Variants in ERMP1 observed in about 807,000 individuals in gnomAD.
ERMP1 encodes endoplasmic reticulum metallopeptidase 1, also known as Felix-ina.
In ERMP1, 86 loss-of-function variants were observed where a neutral mutation model predicts 92.0. The ratio of observed to expected loss-of-function variants is 0.93; its 90% CI spans 0.79 to 1.12. The LOEUF is 1.12. ERMP1 is among the 50% of genes most tolerant of loss of function. ERMP1 has a pLI of 0.00. For synonymous variants in ERMP1, 530 were observed against 412.8 expected, an observed-to-expected ratio of 1.28 and a Z score of -3.44; for missense variants, 1,342 against 1,116.3, an observed-to-expected ratio of 1.20 and a Z score of -2.88.
At chr9:5,861,722 T>TTG (rs902146723) in intron 5 of ERMP1, among the ~76,000 whole-genome samples, 1 of 141,902 alleles carries the variant, frequency 7.0e-6, no homozygotes, top group Non-Finnish European at 1.5e-5. Flanking sequence ...GAAGGGTTTT[T>TTG]TTTTTTTTTT....
chr9:5,830,317 T>C (rs17571216), intron 2 of ERMP1, among the ~76,000 whole-genome samples: 51,832 of 151,988 alleles, frequency 0.34, 10,256 homozygotes, highest in East Asian at 0.75. Context: ...AACCATGCAG[T>C]AACCCTTGAA....
chr9:5,834,743 G>GTGTGTGTGTATGTC (rs969028907), upstream of ERMP1, among the ~76,000 whole-genome samples: 2 of 147,210 alleles, frequency 1.4e-5, no homozygotes, highest in Admixed American at 6.8e-5. Flanking sequence ...GTGTGTGTGT[G>GTGTGTGTGTATGTC]TGTATGTCTG....
Position 5,833,014 on chromosome 9 carries a change from G to A in ERMP1, c.14C>T (p.Ser5Phe). The change falls in exon 1 of 15, where the codon TCT (serine) becomes TTT (phenylalanine). Residue 5 changes from serine to phenylalanine, a missense_variant. By Grantham distance (155) the Ser-to-Phe change is radical. Transcript: ENST00000339450. The part of the protein sequence containing the change: MEWG[S>F]ESAAVRRHRV... ...GTGCCGCCTCACAGCAGCCGACTCA[G>A]AACCCCACTCCATGGCCACGAGCCT... 2 of 1,547,056 alleles carry A rather than the reference G, an allele frequency of 1.3e-6. No individual in the cohort carries two copies. Among genetic ancestry groups the A allele is most frequent in the African/African-American group, 1.4e-5 (1 of 70,632 alleles).
intron 6 of ERMP1, chr9:5,856,313 G>T: frequency 4.2e-6 from 1 of 238,716 alleles, no homozygotes; most frequent in Non-Finnish European, 8.6e-6. Flanking sequence ...TAACTTCGGT[G>T]TTGGCCTTGG....
intron 13 of ERMP1, among the ~76,000 whole-genome samples, chr9:5,787,835 C>T (rs1828008483): frequency 6.6e-6 from 1 of 152,204 alleles, no homozygotes; most frequent in Non-Finnish European, 1.5e-5. Flanking sequence ...GGTCCTATCA[C>T]TTAACTGCTG....
At chr9:5,848,016 A>G (rs1160961328) in intron 6 of ERMP1, among the ~76,000 whole-genome samples, 1 of 152,130 alleles carries the variant, frequency 6.6e-6, no homozygotes, top group Non-Finnish European at 1.5e-5. Context: ...AGGCTTAGAG[A>G]AAGGATATCA....
chr9:5,837,660 CTCTT>C (rs1331267282), upstream of ERMP1, among the ~76,000 whole-genome samples: 16 of 152,204 alleles, frequency 1.1e-4, no homozygotes, highest in African/African-American at 3.4e-4. Context: ...TTCTTTCTCA[CTCTT>C]TCTGTTCGTG....
intron 5 of ERMP1, among the ~76,000 whole-genome samples, chr9:5,862,199 T>C (rs923095234): frequency 6.6e-6 from 1 of 151,298 alleles, no homozygotes; most frequent in East Asian, 1.9e-4. Context: ...CTGGTTAATT[T>C]TTAAATTATT....
intron 4 of ERMP1, among the ~76,000 whole-genome samples, chr9:5,814,600 G>A (rs1829231486): frequency 6.6e-6 from 1 of 152,054 alleles, no homozygotes; most frequent in Admixed American, 6.6e-5. Context: ...AAAATAAGCA[G>A]GGCATGGTAA....
chr9:5,800,492 G>A (rs747550853), intron 11 of ERMP1, among the ~76,000 whole-genome samples: 3 of 152,050 alleles, frequency 2.0e-5, no homozygotes, highest in South Asian at 2.1e-4. Context: ...CCTGGCCAAC[G>A]TAGTGAAACC....
chr9:5,791,347 C>A (rs955186652), intron 13 of ERMP1: 1 of 455,360 alleles, frequency 2.2e-6, no homozygotes, highest in Admixed American at 2.3e-5. Context: ...CATTCCCTCT[C>A]CTTGGGGAAG....
At chr9:5,796,899 A>C (rs1006857818) in intron 13 of ERMP1, among the ~76,000 whole-genome samples, 2 of 152,216 alleles carry the variant, frequency 1.3e-5, no homozygotes, top group Non-Finnish European at 2.9e-5. Context: ...ATAATATATC[A>C]GTGTTAAAAC....
chr9:5,848,077 G>A (rs1046155655), intron 6 of ERMP1, among the ~76,000 whole-genome samples: 24 of 152,310 alleles, frequency 1.6e-4, no homozygotes, highest in African/African-American at 5.5e-4. Flanking sequence ...ATCTGAAGAT[G>A]AGTCTGTGTG....
intron 8 of ERMP1, among the ~76,000 whole-genome samples, chr9:5,807,044 C>T (rs562936328): frequency 6.6e-6 from 1 of 152,150 alleles, no homozygotes; most frequent in Non-Finnish European, 1.5e-5. Flanking sequence ...TATTATAGTT[C>T]AATTTGAAGC....
chr9:5,807,033 T>C (rs553370397), intron 8 of ERMP1, among the ~76,000 whole-genome samples: 34 of 152,306 alleles, frequency 2.2e-4, no homozygotes, highest in African/African-American at 7.5e-4. Flanking sequence ...AAGAAAATTA[T>C]TATTATAGTT....
At chr9:5,790,873 T>A (rs1355063503) in intron 13 of ERMP1, among the ~76,000 whole-genome samples, 1 of 152,216 alleles carries the variant, frequency 6.6e-6, no homozygotes, top group Non-Finnish European at 1.5e-5. Flanking sequence ...TGTGGGGTGA[T>A]GGAAATGTTT....
chr9:5,801,352 GA>G, intron 10 of ERMP1, 24 bp from the exon 11 acceptor site: 1 of 1,596,230 alleles, frequency 6.3e-7, no homozygotes, highest in Non-Finnish European at 8.5e-7. Flanking sequence ...CACAAACACA[GA>G]AATATTACAA....
chr9:5,789,847 C>CTTT (rs35893609), intron 13 of ERMP1, among the ~76,000 whole-genome samples: 39,544 of 136,230 alleles, frequency 0.29, 6,870 homozygotes, highest in East Asian at 0.68. Flanking sequence ...CAAACCTGGC[C>CTTT]TTTTTTTTTT....
At chr9:5,845,393 T>C (rs899096991) in intron 6 of ERMP1, among the ~76,000 whole-genome samples, 39 of 152,102 alleles carry the variant, frequency 2.6e-4, no homozygotes, top group Admixed American at 1.4e-3. Context: ...CAAGACCCCA[T>C]TTCAAAATAA....
Sources: allele counts gnomAD v4.1 joint callset (sites outside exome capture counted in the v4.1 genomes callset), GRCh38; gene constraint gnomAD v4.1.1; transcripts MANE v1.5; gene names NCBI Gene and HGNC (gene_info 2026-07-23, HGNC 2026-07-21).